AKAP10: variants seen among roughly 807,000 people sequenced by gnomAD.
The protein encoded by AKAP10 is A-kinase anchor protein 10, mitochondrial.
Under a neutral mutation model 80.8 loss-of-function variants are expected in AKAP10, and 24 were observed. The observed-to-expected ratio is 0.30, with a 90% CI of 0.22 to 0.42. The LOEUF is 0.42. AKAP10 is among the 10% of genes least tolerant of loss of function. The pLI, the probability that AKAP10 is intolerant of heterozygous loss-of-function variation, is 1.00. For synonymous variants in AKAP10, 291 were observed against 277.7 expected, an observed-to-expected ratio of 1.05 and a Z score of -0.48; for missense variants, 661 against 794.9, an observed-to-expected ratio of 0.83 and a Z score of 2.03.
At chr17:19,921,353 A>G (rs543474696) in intron 11 of AKAP10, among the ~76,000 whole-genome samples, 169 of 152,044 alleles carry the variant, frequency 1.1e-3, no homozygotes, top group Non-Finnish European at 2.1e-3. Flanking sequence ...TTTAGTAGAG[A>G]CAGGGTTTCA....
At chr17:19,957,894 A>G in intron 4 of AKAP10, 120 bp downstream of exon 4, 1 of 1,075,900 alleles carries the variant, frequency 9.3e-7, no homozygotes, top group Non-Finnish European at 1.3e-6. Flanking sequence ...CCAAATTTAC[A>G]AGTAGTTAGA....
At chr17:19,931,553 G>A (rs1322038682) in intron 10 of AKAP10, among the ~76,000 whole-genome samples, 2 of 151,868 alleles carry the variant, frequency 1.3e-5, no homozygotes, top group Non-Finnish European at 2.9e-5. Flanking sequence ...ACCATGCCCG[G>A]CTAATTTTTG....
intron 3 of AKAP10, among the ~76,000 whole-genome samples, chr17:19,959,984 C>T (rs2043328798): frequency 1.3e-5 from 2 of 152,148 alleles, no homozygotes; most frequent in South Asian, 2.1e-4. Context: ...TGGTCGCTCA[C>T]GCCTGTAATT....
At chr17:19,924,166 C>A (rs951474661) in intron 11 of AKAP10, among the ~76,000 whole-genome samples, 1 of 152,038 alleles carries the variant, frequency 6.6e-6, no homozygotes, top group Non-Finnish European at 1.5e-5. Flanking sequence ...TCTCATTTTA[C>A]AGATGAAGAA....
In AKAP10 at chr17:19,936,295, G is replaced by A; in HGVS notation, c.1458C>T (p.Thr486=). Residue 486 remains threonine (T), a synonymous_variant, in exon 9 of 15, where the codon ACC becomes ACT. Transcript: ENST00000225737. ...TGAAGTTCTGGGTTACCTTCTCCAT[G>A]GTTGTCCAGGCCTGACGTAATGGAG... ...FTTPLRQAWT[T]MEKVFLPGFL... is the part of the protein sequence containing the mutation. 1 of 1,611,710 alleles carries A rather than the reference G, an allele frequency of 6.2e-7. No individual in the cohort carries two copies. Among genetic ancestry groups the A allele is most frequent in the South Asian group, 1.1e-5 (1 of 90,720 alleles).
intron 4 of AKAP10, among the ~76,000 whole-genome samples, chr17:19,957,609 T>G (rs2043294532): frequency 6.6e-6 from 1 of 152,154 alleles, no homozygotes; most frequent in Non-Finnish European, 1.5e-5. Flanking sequence ...AAATATACAC[T>G]AAGCACTGAA....
Position 19,925,899 on chromosome 17 carries a change from T to C in AKAP10, c.1642-1382A>G, listed in dbSNP as rs577956334. Among the ~76,000 whole-genome samples, 12 of 152,240 alleles carry C rather than the reference T, an allele frequency of 7.9e-5. No homozygotes were observed. The South Asian group carries it at 2.5e-3, about 32-fold the overall frequency. On this transcript the variant is annotated intron_variant, in intron 10 of 14. Transcript: ENST00000225737. ...GATTTCAAAACTTATTACAAAGCAA[T>C]AGTAATCAAGAGAGTATGGTACTGG...
At chr17:19,921,214 C>A (rs1010802732) in intron 11 of AKAP10, among the ~76,000 whole-genome samples, 2 of 151,480 alleles carry the variant, frequency 1.3e-5, no homozygotes, top group African/African-American at 4.9e-5. Flanking sequence ...TGTTGCTAGG[C>A]TGGAGTGCAG....
In AKAP10 at chr17:19,968,293, T is replaced by TA. The variant is rs546966265; in HGVS notation, c.136+120dup. The TA allele has an allele frequency of 3.6e-5, 25 of 691,096 alleles. 1 individual carries two copies. The African/African-American group carries it at 3.7e-4, about 10-fold the overall frequency. The allele number at this position is 691,096 out of a possible 1,614,324, so 42.8% of individuals were successfully genotyped here. ...GAGGGAAATAAATCAAAATCATAAG[T>TA]AATTATAAAATAAGGCAGAAATGAT... On this transcript the variant is annotated intron_variant, in intron 2 of 14. Coordinates refer to ENST00000225737, the MANE Select transcript of AKAP10 (RefSeq NM_007202.4).
At chr17:19,946,236 ATTATATATATATATATAT>A (rs1247254951) in intron 5 of AKAP10, among the ~76,000 whole-genome samples, 4 of 22,782 alleles carry the variant, frequency 1.8e-4, no homozygotes, top group Non-Finnish European at 3.2e-4. Context: ...ATATATATAT[ATTATATATATATATATAT>A]ATATATATAT....
intron 12 of AKAP10, among the ~76,000 whole-genome samples, chr17:19,911,696 G>A (rs1419932550): frequency 6.6e-6 from 1 of 151,636 alleles, no homozygotes; most frequent in Admixed American, 6.6e-5. Context: ...TTAGCCAGGC[G>A]TGGTGGTGCA....
intron 3 of AKAP10, 129 bp downstream of exon 3, chr17:19,962,711 G>A (rs2043367844): frequency 4.3e-6 from 4 of 930,370 alleles, no homozygotes; most frequent in Admixed American, 5.1e-5. Flanking sequence ...TATACTTGTA[G>A]CTGTTATTTT....
At chr17:19,923,202 G>A (rs569399254) in intron 11 of AKAP10, among the ~76,000 whole-genome samples, 11 of 150,034 alleles carry the variant, frequency 7.3e-5, no homozygotes, top group African/African-American at 2.2e-4. Flanking sequence ...CTCAGCCTCC[G>A]GAGTAGCTGG....
chr17:19,957,596 TC>T (rs2043294394), intron 4 of AKAP10, among the ~76,000 whole-genome samples: 1 of 152,026 alleles, frequency 6.6e-6, no homozygotes, highest in African/African-American at 2.4e-5. Flanking sequence ...ATAAATAAAA[TC>T]CAAATATACA....
chr17:19,960,525 A>G (rs2043335666), intron 3 of AKAP10, among the ~76,000 whole-genome samples: 1 of 152,236 alleles, frequency 6.6e-6, no homozygotes, highest in South Asian at 2.1e-4. Context: ...TAAATGTATC[A>G]ACAGTTTGTT....
rs1180600971 is a variant in AKAP10 at position 19,936,292 on chromosome 17, C to T, written c.1461G>A (p.Met487Ile). 6.8e-6 allele frequency: 11 copies of T among 1,611,206 alleles called. No individual in the cohort carries two copies. The highest frequency in any genetic ancestry group is 9.3e-6 in the Non-Finnish European group (11 of 1,178,534). ...GTTTGAAGTTCTGGGTTACCTTCTC[C>T]ATGGTTGTCCAGGCCTGACGTAATG... The part of the protein sequence containing the change: ...TTPLRQAWTT[M>I]EKVFLPGFLS... The change falls in exon 9 of 15, where the codon ATG (methionine) becomes ATA (isoleucine). Residue 487 changes from methionine (M) to isoleucine (I), a missense_variant. Coordinates refer to ENST00000225737, the MANE Select transcript of AKAP10 (RefSeq NM_007202.4).
intron 1 of AKAP10, among the ~76,000 whole-genome samples, chr17:19,971,854 G>A (rs933870343): frequency 2.6e-5 from 4 of 152,072 alleles, no homozygotes; most frequent in Non-Finnish European, 4.4e-5. Flanking sequence ...ATTGGCTCAC[G>A]CCTCTAATCC....
chr17:19,919,919 GAAA>G, intron 12 of AKAP10, 114 bp downstream of exon 12: 3 of 786,506 alleles, frequency 3.8e-6, no homozygotes, highest in Non-Finnish European at 6.0e-6. Flanking sequence ...AACACAAGGT[GAAA>G]GATACAGTGG....
At chr17:19,966,123 T>A (rs551987664) in intron 2 of AKAP10, among the ~76,000 whole-genome samples, 7 of 152,284 alleles carry the variant, frequency 4.6e-5, no homozygotes, top group Non-Finnish European at 1.0e-4. Flanking sequence ...TATAAATGAA[T>A]GACTCAAAAG....
Sources: gnomAD v4.1 joint callset for allele counts (sites outside exome capture counted in the v4.1 genomes callset) on GRCh38, gnomAD v4.1.1 for gene constraint, MANE v1.5 for transcripts, NCBI Gene and HGNC (gene_info 2026-07-23, HGNC 2026-07-21) for gene names.